The following RBMS3 variants were observed in gnomAD, a reference collection of about 807,000 sequenced individuals.
RBMS3 encodes RNA-binding motif, single-stranded-interacting protein 3.
A neutral mutation model predicts 66.8 loss-of-function variants in RBMS3; 27 were observed. The observed-to-expected ratio is 0.40, with a 90% CI of 0.30 to 0.56. The LOEUF (loss-of-function observed/expected upper bound fraction) is 0.56, where lower values mean the gene tolerates loss of function less well. RBMS3 is among the 20% of genes least tolerant of loss of function. The pLI is 0.40. For missense variants in RBMS3, 513 were observed against 549.5 expected, an observed-to-expected ratio of 0.93 and a Z score of 0.66; for synonymous variants, 188 against 183.0, an observed-to-expected ratio of 1.03 and a Z score of -0.22.
At chr3:29,371,535 C>A (rs1427351741) in intron 1 of RBMS3, among the ~76,000 whole-genome samples, 1 of 152,086 alleles carries the variant, frequency 6.6e-6, no homozygotes, top group African/African-American at 2.4e-5. Flanking sequence ...CACCATGCAC[C>A]AATAACCATA....
intron 5 of RBMS3, among the ~76,000 whole-genome samples, chr3:29,745,814 G>T (rs535949670): frequency 7.2e-5 from 11 of 151,772 alleles, no homozygotes; most frequent in South Asian, 2.1e-4. Flanking sequence ...TCTAACATAT[G>T]GGCAGCCCTG....
chr3:29,777,690 A>AT (rs912321409), intron 6 of RBMS3, among the ~76,000 whole-genome samples: 3 of 151,852 alleles, frequency 2.0e-5, no homozygotes, highest in Non-Finnish European at 4.4e-5. Flanking sequence ...CTCCAGATTA[A>AT]TTTTTTTAAA....
chr3:29,854,183 G>A lies in RBMS3; in HGVS notation c.638-14675G>A, dbSNP rs113455303. ...CTCCCAGCTCCAGGCTGAGAAGGGC[G>A]TCCCTCCCCGCGTCCCTGCAGCAGC... On this transcript the variant is annotated intron_variant, in intron 6 of 14. Coordinates refer to ENST00000383767, the MANE Select transcript of RBMS3 (RefSeq NM_001003793.3). 3.0e-3 allele frequency among the ~76,000 whole-genome samples: 453 copies of A among 152,238 alleles called. 8 individuals are homozygous for A. The highest frequency in any genetic ancestry group is 0.01 in the African/African-American group (421 of 41,542).
rs532552989 is a variant in RBMS3, at chr3:29,978,468, A to AT, written c.1099-9667dup. On this transcript the variant is annotated intron_variant, in intron 12 of 14. Transcript: ENST00000383767. The stretch of plus-strand genomic sequence containing the variant: ...TGACAAAAAAAAAGCAAGCAGAAAG[A>AT]TTTTTTTTCATTAAAAGATACACAC... Among the ~76,000 whole-genome samples, 12 of 145,506 alleles carry AT rather than the reference A, an allele frequency of 8.2e-5. No homozygotes were observed. In the East Asian group the frequency reaches 2.1e-3, roughly 26 times the overall value.
intron 3 of RBMS3, among the ~76,000 whole-genome samples, chr3:29,503,471 G>A (rs1448002569): frequency 2.6e-5 from 4 of 151,978 alleles, no homozygotes; most frequent in African/African-American, 9.7e-5. Flanking sequence ...CCAAGTTTGA[G>A]TCTGAATTTT....
chr3:29,603,283 G>A (rs1038580835), intron 4 of RBMS3, among the ~76,000 whole-genome samples: 6 of 151,926 alleles, frequency 3.9e-5, no homozygotes, highest in African/African-American at 1.2e-4. Flanking sequence ...ACAGCCAACT[G>A]GATGTCAATA....
chr3:29,999,592 G>C, intron 14 of RBMS3, among the ~76,000 whole-genome samples: 1 of 152,136 alleles, frequency 6.6e-6, no homozygotes, highest in East Asian at 1.9e-4. Context: ...AAAATGATGA[G>C]TTCATGTCCT....
intron 1 of RBMS3, among the ~76,000 whole-genome samples, chr3:29,312,794 A>C (rs1212247607): frequency 6.6e-6 from 1 of 151,388 alleles, no homozygotes; most frequent in African/African-American, 2.4e-5. Context: ...TCCCTGTATT[A>C]ACCTTTTGTA....
Position 29,670,829 on chromosome 3 carries a change from GC to G in RBMS3, c.400-68890del, listed in dbSNP as rs2050967244. On this transcript the variant is annotated intron_variant, in intron 4 of 14. Coordinates refer to ENST00000383767, the MANE Select transcript of RBMS3 (RefSeq NM_001003793.3). Reference sequence around the variant, plus strand: ...TGTAGACTCCACCTCTGGGGGCAGGGCATAGCTGAACAAAAGGCACAGAAAC... The same window carrying G: ...TGTAGACTCCACCTCTGGGGGCAGGGATAGCTGAACAAAAGGCACAGAAAC... Among the ~76,000 whole-genome samples the G allele has an allele frequency of 2.0e-5, 3 of 152,204 alleles. 1 individual carries two copies. The South Asian group carries it at 6.2e-4, about 32-fold the overall frequency.
intron 10 of RBMS3, among the ~76,000 whole-genome samples, chr3:29,930,105 C>CCTT: frequency 3.7e-5 from 1 of 27,382 alleles, no homozygotes; most frequent in East Asian, 2.1e-3. Flanking sequence ...ACTTTTCTTT[C>CCTT]TTTCTTTTTT....
chr3:29,814,421 A>T (rs1479169255), intron 6 of RBMS3, among the ~76,000 whole-genome samples: 1 of 152,144 alleles, frequency 6.6e-6, no homozygotes, highest in Admixed American at 6.6e-5. Flanking sequence ...ATGTTCATCA[A>T]GGATATTGGT....
chr3:29,886,349 T>C (rs2059870484), intron 8 of RBMS3, among the ~76,000 whole-genome samples: 1 of 151,844 alleles, frequency 6.6e-6, no homozygotes, highest in South Asian at 2.1e-4. Flanking sequence ...GATAAGAAAA[T>C]GAGGCCATGT....
At chr3:29,665,433 CA>C (rs1362621373) in intron 4 of RBMS3, among the ~76,000 whole-genome samples, 1 of 152,006 alleles carries the variant, frequency 6.6e-6, no homozygotes, top group East Asian at 1.9e-4. Flanking sequence ...TAGATTTCAC[CA>C]AATAACTATT....
chr3:29,928,203 TATATATATACACAC>T (rs1430839010), intron 10 of RBMS3, among the ~76,000 whole-genome samples: 1 of 110,234 alleles, frequency 9.1e-6, no homozygotes, highest in African/African-American at 3.5e-5. Context: ...TATATATATA[TATATATATACACAC>T]ACACACACAC....
chr3:29,606,889 A>G (rs1433558316), intron 4 of RBMS3, among the ~76,000 whole-genome samples: 1 of 152,082 alleles, frequency 6.6e-6, no homozygotes, highest in East Asian at 1.9e-4. Context: ...AAATTTTTCC[A>G]TTGTATTAAT....
chr3:29,863,765 G>A (rs894626391), intron 6 of RBMS3, among the ~76,000 whole-genome samples: 2 of 152,090 alleles, frequency 1.3e-5, no homozygotes, highest in Non-Finnish European at 2.9e-5. Context: ...AAATGTTAAG[G>A]TAGGCTTAAA....
chr3:29,322,295 A>C (rs1431960573), intron 1 of RBMS3, among the ~76,000 whole-genome samples: 1 of 152,100 alleles, frequency 6.6e-6, no homozygotes, highest in African/African-American at 2.4e-5. Flanking sequence ...AATCTAGTAA[A>C]AATGTTGTCT....
At chr3:29,390,283 T>C (rs187412316) in intron 1 of RBMS3, among the ~76,000 whole-genome samples, 1 of 152,314 alleles carries the variant, frequency 6.6e-6, no homozygotes, top group Admixed American at 6.5e-5. Context: ...TAAAATGTTA[T>C]TGTTCTAAAA....
intron 4 of RBMS3, among the ~76,000 whole-genome samples, chr3:29,725,739 C>T (rs1304791625): frequency 2.0e-5 from 3 of 151,878 alleles, no homozygotes; most frequent in African/African-American, 7.3e-5. Context: ...CCAAAAAAAC[C>T]CCAGGACCAG....
Sources: allele counts gnomAD v4.1 joint callset (sites outside exome capture counted in the v4.1 genomes callset), GRCh38; gene constraint gnomAD v4.1.1; transcripts MANE v1.5; gene names NCBI Gene and HGNC (gene_info 2026-07-23, HGNC 2026-07-21).